Variants in PRR16 observed in about 807,000 individuals in gnomAD.
PRR16 encodes the protein protein Largen.
PRR16 carries 6 observed loss-of-function variants against 18.2 expected under a neutral mutation model. That is an observed-to-expected ratio of 0.33 (90% CI 0.18 to 0.65). PRR16 has a LOEUF of 0.65. PRR16 is among the 30% of genes least tolerant of loss of function. PRR16 has a pLI of 0.74. For synonymous variants in PRR16, 151 were observed against 147.8 expected (o/e 1.02, Z -0.16); for missense variants, 412 against 376.6 (o/e 1.09, Z -0.78).
chr5:120,533,753 T>A (rs1453067533), intron 1 of PRR16, among the ~76,000 whole-genome samples: 1 of 152,214 alleles, frequency 6.6e-6, no homozygotes, highest in Admixed American at 6.5e-5. Context: ...CCGCTGGCTG[T>A]TGCAATCCTT....
intron 1 of PRR16, among the ~76,000 whole-genome samples, chr5:120,586,499 G>A (rs981126571): frequency 1.3e-5 from 2 of 151,710 alleles, no homozygotes; most frequent in Non-Finnish European, 2.9e-5. Flanking sequence ...TTTTCTAACA[G>A]CGTGTGCTTA....
intron 1 of PRR16, among the ~76,000 whole-genome samples, chr5:120,489,087 T>C (rs1201030425): frequency 6.6e-6 from 1 of 152,244 alleles, no homozygotes; most frequent in Admixed American, 6.5e-5. Flanking sequence ...TGGTCAATTT[T>C]GGAATACGTG....
intron 1 of PRR16, among the ~76,000 whole-genome samples, chr5:120,524,084 C>T (rs1008710862): frequency 6.6e-6 from 1 of 152,038 alleles, no homozygotes; most frequent in Non-Finnish European, 1.5e-5. Context: ...TTATTTTCAA[C>T]GTACAGATGA....
intron 1 of PRR16, among the ~76,000 whole-genome samples, chr5:120,507,739 AT>A (rs923260961): frequency 6.6e-6 from 1 of 151,762 alleles, no homozygotes; most frequent in African/African-American, 2.4e-5. Context: ...CTAGTTAACC[AT>A]TTTTTTTAAG....
intron 1 of PRR16, among the ~76,000 whole-genome samples, chr5:120,645,478 A>G (rs1276541559): frequency 6.9e-6 from 1 of 145,678 alleles, no homozygotes; most frequent in East Asian, 2.0e-4. Flanking sequence ...ACTATTTTTG[A>G]TCAGCTATTA....
At chr5:120,581,013 T>C (rs1399661678) in intron 1 of PRR16, among the ~76,000 whole-genome samples, 2 of 152,194 alleles carry the variant, frequency 1.3e-5, no homozygotes, top group Non-Finnish European at 1.5e-5. Context: ...CCAGTTTTAG[T>C]ATCAGGGTGA....
At chr5:120,771,534 T>A in the PRR16 span, among the ~76,000 whole-genome samples, 1 of 152,128 alleles carries the variant, frequency 6.6e-6, no homozygotes, top group Non-Finnish European at 1.5e-5. Context: ...TATGGAAACC[T>A]AATTCAATCT....
intron 1 of PRR16, among the ~76,000 whole-genome samples, chr5:120,674,518 T>G (rs1392443687): frequency 6.6e-6 from 1 of 152,244 alleles, no homozygotes; most frequent in Non-Finnish European, 1.5e-5. Flanking sequence ...TAGCAAAATG[T>G]CTTTCACTGT....
At chr5:120,517,708 G>A (rs371290444) in intron 1 of PRR16, among the ~76,000 whole-genome samples, 85 of 152,218 alleles carry the variant, frequency 5.6e-4, no homozygotes, top group African/African-American at 1.9e-3. Context: ...GTAGATAGTA[G>A]AAGAGTGTTC....
chr5:120,785,575 G>GTTTTTTTTTTT, the PRR16 span, among the ~76,000 whole-genome samples: 3 of 115,390 alleles, frequency 2.6e-5, no homozygotes, highest in African/African-American at 6.8e-5. Flanking sequence ...TGTTGTTGTT[G>GTTTTTTTTTTT]TTTTTTTTTT....
the PRR16 span, among the ~76,000 whole-genome samples, chr5:120,783,993 C>G: frequency 5.9e-5 from 9 of 152,258 alleles, no homozygotes; most frequent in East Asian, 1.9e-4. Flanking sequence ...GCTTATTTCA[C>G]TTGACATAAT....
At chr5:120,682,963 A>G (rs933818452) in intron 1 of PRR16, among the ~76,000 whole-genome samples, 1 of 152,142 alleles carries the variant, frequency 6.6e-6, no homozygotes, top group Non-Finnish European at 1.5e-5. Context: ...AATAGGAAAA[A>G]TTTTAAGGAT....
intron 1 of PRR16, among the ~76,000 whole-genome samples, chr5:120,604,977 T>C (rs971029015): frequency 1.3e-5 from 2 of 152,170 alleles, no homozygotes; most frequent in Admixed American, 1.3e-4. Context: ...TTTGTTGTTG[T>C]TGTTCACATT....
the PRR16 span, among the ~76,000 whole-genome samples, chr5:120,759,651 C>T: frequency 3.9e-5 from 6 of 151,984 alleles, no homozygotes; most frequent in African/African-American, 9.7e-5. Flanking sequence ...CTTTATAGTA[C>T]AAAGAGTGAA....
intron 1 of PRR16, among the ~76,000 whole-genome samples, chr5:120,638,836 A>T: frequency 6.6e-6 from 1 of 152,028 alleles, no homozygotes; most frequent in Non-Finnish European, 1.5e-5. Flanking sequence ...AAAGGGAAAA[A>T]TTTTCTCACT....
chr5:120,720,120 T>G, the PRR16 span, among the ~76,000 whole-genome samples: 1 of 152,022 alleles, frequency 6.6e-6, no homozygotes, highest in African/African-American at 2.4e-5. Flanking sequence ...AAGAGTGAAG[T>G]AATTATTCAT....
rs1352835567 is a variant in PRR16 at position 120,667,553 on chromosome 5, T to C, written c.160-18401T>C. ...TTCTTTTAATTGTGATGTTAGGGTG[T>C]CAATTTTGGATTTTTCCTGCTTTCT... On this transcript the variant is annotated intron_variant, in intron 1 of 1. Transcript: ENST00000407149. 9.2e-5 allele frequency among the ~76,000 whole-genome samples: 14 copies of C among 151,412 alleles called. 1 individual carries two copies. Among genetic ancestry groups the C allele is most frequent in the Admixed American group, 7.3e-4 (11 of 15,148 alleles).
At chr5:120,676,271 A>G (rs939900839) in intron 1 of PRR16, among the ~76,000 whole-genome samples, 15 of 152,158 alleles carry the variant, frequency 9.9e-5, no homozygotes, top group Non-Finnish European at 1.9e-4. Flanking sequence ...TTGACTGGTG[A>G]GATGTAAGCA....
chr5:120,540,037 G>A (rs895908766), intron 1 of PRR16, among the ~76,000 whole-genome samples: 22 of 152,130 alleles, frequency 1.4e-4, no homozygotes, highest in African/African-American at 5.1e-4. Flanking sequence ...AGCTTGCCAC[G>A]TTTTGAGTTT....
Sources: gnomAD v4.1 joint callset for allele counts (sites outside exome capture counted in the v4.1 genomes callset) on GRCh38, gnomAD v4.1.1 for gene constraint, MANE v1.5 for transcripts, NCBI Gene and HGNC (gene_info 2026-07-23, HGNC 2026-07-21) for gene names.